TTLL11: variants seen among roughly 807,000 people sequenced by gnomAD.
TTLL11 encodes the protein tubulin polyglutamylase TTLL11.
A neutral mutation model predicts 51.7 loss-of-function variants in TTLL11; 42 were observed. The observed-to-expected ratio is 0.81, with a 90% CI of 0.64 to 1.05. TTLL11 has a LOEUF of 1.05. TTLL11 is among the 50% of genes least tolerant of loss of function. The probability of loss-of-function intolerance (pLI) is 0.00; values close to 1 mark genes in which losing one functional copy is unlikely to be tolerated. For missense variants in TTLL11, 799 were observed against 940.4 expected (o/e 0.85, Z 1.97); for synonymous variants, 381 against 383.5 (o/e 0.99, Z 0.08).
rs765143138 is a variant in TTLL11, at chr9:121,989,393, C to T, written c.1071G>A (p.Ser357=). 7.4e-6 allele frequency: 12 copies of T among 1,613,926 alleles called. No homozygotes were observed. Among genetic ancestry groups the T allele is most frequent in the Middle Eastern group, 3.3e-4 (2 of 6,084 alleles). Residue 357 remains serine (S), a synonymous_variant, in exon 4 of 9, where the codon TCG becomes TCA. Coordinates refer to ENST00000321582, the MANE Select transcript of TTLL11 (RefSeq NM_001139442.2). This position sits in a 1 kb window ranked among gnomAD's most constrained non-coding sequence, Gnocchi z 4.2. ...LNIHSGNFIH[S]DSASTGSKRT... ...TTTTGCTGCCAGTGCTAGCACTGTC[C>T]GAGTGGATGAAGTTGCCGCTGTGGA...
chr9:121,922,424 C>T (rs887652572), intron 6 of TTLL11, among the ~76,000 whole-genome samples: 3 of 151,932 alleles, frequency 2.0e-5, no homozygotes. Flanking sequence ...TCTTGGGGTC[C>T]GGGAATGCTC....
chr9:121,895,911 T>G (rs1459109505), intron 6 of TTLL11, among the ~76,000 whole-genome samples: 1 of 136,352 alleles, frequency 7.3e-6, no homozygotes, highest in African/African-American at 2.8e-5. Flanking sequence ...TCCCTTTGTG[T>G]GGATGTGTGG....
chr9:121,827,914 C>T (rs887880001), intron 8 of TTLL11, among the ~76,000 whole-genome samples: 3 of 152,238 alleles, frequency 2.0e-5, no homozygotes, highest in Non-Finnish European at 4.4e-5. Context: ...AGGCTCTGGA[C>T]TGTCCCCTCT....
intron 1 of TTLL11, among the ~76,000 whole-genome samples, chr9:122,061,623 A>G (rs1431988111): frequency 1.3e-5 from 2 of 152,010 alleles, no homozygotes; most frequent in Non-Finnish European, 2.9e-5. Context: ...GTAAGACTAA[A>G]TGTTTTTTTT....
intron 7 of TTLL11, among the ~76,000 whole-genome samples, chr9:121,864,306 A>G (rs933077492): frequency 2.0e-5 from 3 of 152,176 alleles, no homozygotes; most frequent in African/African-American, 7.2e-5. Context: ...GCTCTTAATC[A>G]TTGAGAACAG....
intron 6 of TTLL11, among the ~76,000 whole-genome samples, chr9:121,872,607 C>T (rs756277755): frequency 8.5e-5 from 13 of 152,190 alleles, no homozygotes; most frequent in Non-Finnish European, 4.4e-5. Context: ...CCTGTACGAA[C>T]GGTCCTCTCT....
intron 8 of TTLL11, among the ~76,000 whole-genome samples, chr9:121,845,612 C>A (rs957712914): frequency 5.9e-5 from 9 of 152,104 alleles, no homozygotes; most frequent in Non-Finnish European, 1.3e-4. Context: ...AAATGAATAA[C>A]AGCAATGTTA....
intron 6 of TTLL11, among the ~76,000 whole-genome samples, chr9:121,901,286 G>C (rs990622961): frequency 6.6e-6 from 1 of 152,176 alleles, no homozygotes; most frequent in Non-Finnish European, 1.5e-5. Context: ...CATCGGTGGA[G>C]AGAAATAGTT....
At chr9:122,047,182 G>A (rs1361344655) in intron 1 of TTLL11, among the ~76,000 whole-genome samples, 1 of 152,192 alleles carries the variant, frequency 6.6e-6, no homozygotes, top group African/African-American at 2.4e-5. Context: ...GCATATGCCT[G>A]TTGTCCTGGT....
At position 122,013,448 on chromosome 9, in the gene TTLL11, TGAA is replaced by T. The variant is rs151005028; in HGVS notation, c.693+18272_693+18274del. 3.0e-3 allele frequency among the ~76,000 whole-genome samples: 453 copies of T among 152,176 alleles called. 5 individuals carry two copies. The highest frequency in any genetic ancestry group is 0.011 in the African/African-American group (438 of 41,500). ...GGATACGTAGCAAAGGTTTGTGCAG[TGAA>T]GAAGAGGAGGAAGGGTCTCCCAACA... On this transcript the variant is annotated intron_variant, in intron 3 of 8. Coordinates refer to ENST00000321582, the MANE Select transcript of TTLL11 (RefSeq NM_001139442.2).
At chr9:121,919,225 T>C (rs573614200) in intron 6 of TTLL11, among the ~76,000 whole-genome samples, 2 of 152,238 alleles carry the variant, frequency 1.3e-5, no homozygotes, top group Admixed American at 6.5e-5. Flanking sequence ...CATTTTTGTA[T>C]ATTTCAATAA....
At chr9:122,014,499 G>A (rs1020748094) in intron 3 of TTLL11, among the ~76,000 whole-genome samples, 4 of 152,152 alleles carry the variant, frequency 2.6e-5, no homozygotes, top group Non-Finnish European at 4.4e-5. Context: ...CCCACTCCAT[G>A]TTATGCTGGT....
intron 1 of TTLL11, among the ~76,000 whole-genome samples, chr9:122,039,822 G>A (rs564224688): frequency 1.3e-5 from 2 of 151,618 alleles, no homozygotes; most frequent in East Asian, 3.9e-4. Context: ...ACCCTCAACC[G>A]AGCCCAAAAG....
chr9:121,908,491 C>G (rs560564677), intron 6 of TTLL11, among the ~76,000 whole-genome samples: 1 of 152,214 alleles, frequency 6.6e-6, no homozygotes, highest in Non-Finnish European at 1.5e-5. Flanking sequence ...GATCCTGCCA[C>G]GAGCTGGTGT....
At chr9:121,983,054 G>T (rs1842860419) in intron 4 of TTLL11, among the ~76,000 whole-genome samples, 1 of 152,230 alleles carries the variant, frequency 6.6e-6, no homozygotes, top group Non-Finnish European at 1.5e-5. Context: ...AGCCATTCAA[G>T]TGCGAGGTGA....
Position 121,989,234 on chromosome 9 carries a change from T to G in TTLL11, c.1230A>C (p.Ser410=). The G allele has an allele frequency of 1.2e-6, 2 of 1,614,130 alleles. No individual in the cohort carries two copies. The highest frequency in any genetic ancestry group is 1.7e-6 in the Non-Finnish European group (2 of 1,179,946). The change falls in exon 4 of 9, where the codon TCA becomes TCC. Residue 410 remains serine, a synonymous_variant. Transcript: ENST00000321582. The surrounding 1 kb of genome is among the most constrained non-coding windows in gnomAD (Gnocchi z 4.2). ...LTPELKVFYQ[S]DIPTGRPGPT... is the part of the protein sequence containing the mutation. The stretch of plus-strand genomic sequence containing the variant: ...GGCCCGGCCTCCCCGTGGGGATGTC[T>G]GACTGGTAGAAGACTTTGAGCTCTG...
chr9:121,926,699 C>T lies in TTLL11; in HGVS notation c.1481+47310G>A, dbSNP rs566573977. 4.6e-5 allele frequency among the ~76,000 whole-genome samples: 7 copies of T among 152,326 alleles called. No homozygotes were observed. In the South Asian group the frequency reaches 1.4e-3, roughly 32 times the overall value. On this transcript the variant is annotated intron_variant, in intron 6 of 8. Transcript: ENST00000321582. ...CCCGTGTCACTTTGAGTGGTTCTTC[C>T]TCCTCGAGGCTGGAGCAGGAACTTT...
intron 6 of TTLL11, among the ~76,000 whole-genome samples, chr9:121,889,558 C>A (rs1390158456): frequency 3.3e-5 from 5 of 152,132 alleles, no homozygotes; most frequent in Admixed American, 3.3e-4. Flanking sequence ...CCAGCAACCA[C>A]CACTCTACTT....
chr9:122,016,668 C>T (rs139921142), intron 3 of TTLL11, among the ~76,000 whole-genome samples: 19 of 152,244 alleles, frequency 1.2e-4, no homozygotes, highest in Non-Finnish European at 2.6e-4. Flanking sequence ...TAAACACTAA[C>T]TTGGGATGGT....
Sources: gnomAD v4.1 joint callset for allele counts (sites outside exome capture counted in the v4.1 genomes callset) on GRCh38, gnomAD v4.1.1 for gene constraint, Gnocchi (gnomAD v3.1) non-coding constraint, MANE v1.5 for transcripts, NCBI Gene and HGNC (gene_info 2026-07-23, HGNC 2026-07-21) for gene names.